The following SEMA6A variants were observed in gnomAD, a reference collection of about 807,000 sequenced individuals.
SEMA6A encodes semaphorin 6A, also known as semaphorin-6A.
A neutral mutation model predicts 96.8 loss-of-function variants in SEMA6A; 25 were observed. That is an observed-to-expected ratio of 0.26 (90% CI 0.19 to 0.36). The LOEUF (loss-of-function observed/expected upper bound fraction) is 0.36, where lower values mean the gene tolerates loss of function less well. SEMA6A is among the 10% of genes least tolerant of loss of function. The probability of loss-of-function intolerance (pLI) is 1.00; values close to 1 mark genes in which losing one functional copy is unlikely to be tolerated. For missense variants in SEMA6A, 1,363 were observed against 1,323.1 expected (o/e 1.03, Z -0.47); for synonymous variants, 612 against 518.0 (o/e 1.18, Z -2.46).
intron 1 of SEMA6A, among the ~76,000 whole-genome samples, chr5:116,568,177 G>T (rs895491071): frequency 1.3e-5 from 2 of 152,116 alleles, no homozygotes; most frequent in Admixed American, 1.3e-4. Context: ...GAAAGAGGGG[G>T]TTAACATCAA....
Position 116,444,017 on chromosome 5 carries a change from C to T in SEMA6A, c.*2596G>A, listed in dbSNP as rs555380513. 3 of 152,032 alleles carry T rather than the reference C, an allele frequency of 2.0e-5. No individual in the cohort carries two copies. The highest frequency in any genetic ancestry group is 2.9e-5 in the Non-Finnish European group (2 of 68,024). The allele number at this position is 152,032 out of a possible 1,614,324, so 9.4% of individuals were successfully genotyped here. Reference sequence around the variant, plus strand: ...GCCTACAAACACTGGACAAGACAGCCGCTTACGTCAATGATGGGTGCTGCA... The same window carrying T: ...GCCTACAAACACTGGACAAGACAGCTGCTTACGTCAATGATGGGTGCTGCA... On this transcript the variant is annotated 3_prime_UTR_variant, in exon 19 of 19. Transcript: ENST00000343348.
At chr5:116,548,028 T>C (rs1205290909) in intron 1 of SEMA6A, among the ~76,000 whole-genome samples, 1 of 152,144 alleles carries the variant, frequency 6.6e-6, no homozygotes, top group Non-Finnish European at 1.5e-5. Context: ...ATCCTATCAC[T>C]TACATTTACA....
chr5:116,514,989 G>A (rs1053741460), intron 1 of SEMA6A, among the ~76,000 whole-genome samples: 1 of 152,194 alleles, frequency 6.6e-6, no homozygotes, highest in South Asian at 2.1e-4. Context: ...AATACCACCT[G>A]GAAAGTGAAG....
intron 16 of SEMA6A, 44 bp downstream of exon 16, chr5:116,475,501 G>T (rs768905489): frequency 7.3e-7 from 1 of 1,378,658 alleles, no homozygotes; most frequent in Non-Finnish European, 1.0e-6. Flanking sequence ...TTCACTGAAA[G>T]CATCTTTGCC....
intron 5 of SEMA6A, 96 bp downstream of exon 5, chr5:116,496,155 A>C: frequency 1.9e-6 from 2 of 1,057,826 alleles, no homozygotes; most frequent in East Asian, 4.9e-5. Context: ...AAAAAGGAAA[A>C]AGCACAATCC....
chr5:116,494,079 C>A (rs1337908028), intron 6 of SEMA6A, among the ~76,000 whole-genome samples: 1 of 152,172 alleles, frequency 6.6e-6, no homozygotes, highest in East Asian at 1.9e-4. Flanking sequence ...TCTCTTTATC[C>A]TGTGCTTATC....
intron 1 of SEMA6A, among the ~76,000 whole-genome samples, chr5:116,558,377 C>A (rs1760687016): frequency 6.6e-6 from 1 of 151,932 alleles, no homozygotes; most frequent in Non-Finnish European, 1.5e-5. Context: ...CGGTGGTTTG[C>A]TGCACCTATC....
intron 15 of SEMA6A, 81 bp from the exon 16 acceptor site, chr5:116,475,684 G>A: frequency 1.0e-6 from 1 of 995,300 alleles, no homozygotes; most frequent in Non-Finnish European, 1.5e-6. Flanking sequence ...CTTCACTAAA[G>A]ACAGTAACAC....
intron 1 of SEMA6A, among the ~76,000 whole-genome samples, chr5:116,564,591 G>A (rs566440521): frequency 6.6e-5 from 10 of 152,160 alleles, no homozygotes; most frequent in Admixed American, 2.6e-4. Context: ...TCGCCAGAAT[G>A]TGTGTATGTG....
At chr5:116,462,198 G>C (rs184155390) in intron 18 of SEMA6A, among the ~76,000 whole-genome samples, 2 of 152,032 alleles carry the variant, frequency 1.3e-5, no homozygotes, top group Admixed American at 6.6e-5. Context: ...GAGTAACCAG[G>C]GGGTAGGATC....
At chr5:116,540,314 A>G (rs895767991) in intron 1 of SEMA6A, among the ~76,000 whole-genome samples, 2 of 152,232 alleles carry the variant, frequency 1.3e-5, no homozygotes, top group Non-Finnish European at 2.9e-5. Flanking sequence ...ATGCAAACCA[A>G]ACTAGGCTCT....
At chr5:116,572,725 G>A (rs924447108) in intron 1 of SEMA6A, among the ~76,000 whole-genome samples, 1 of 152,158 alleles carries the variant, frequency 6.6e-6, no homozygotes, top group Non-Finnish European at 1.5e-5. Context: ...AAGTACCGCG[G>A]GCCAGGAGGT....
chr5:116,493,763 C>T (rs1440009031), intron 6 of SEMA6A, among the ~76,000 whole-genome samples: 1 of 152,104 alleles, frequency 6.6e-6, no homozygotes, highest in African/African-American at 2.4e-5. Context: ...CTCATTCTTC[C>T]CACTCCTAGG....
intron 1 of SEMA6A, among the ~76,000 whole-genome samples, chr5:116,548,815 A>G (rs1012408415): frequency 2.0e-5 from 3 of 152,216 alleles, no homozygotes; most frequent in South Asian, 2.1e-4. Flanking sequence ...GCATTATCCA[A>G]TATCATTTTA....
chr5:116,472,858 A>G, intron 17 of SEMA6A: 8 of 1,350,196 alleles, frequency 5.9e-6, no homozygotes, highest in Non-Finnish European at 7.8e-6. Flanking sequence ...ACGAATTTAA[A>G]AAAAAAAAAA....
intron 12 of SEMA6A, among the ~76,000 whole-genome samples, chr5:116,479,280 G>A (rs759912646): frequency 1.3e-5 from 2 of 152,064 alleles, no homozygotes; most frequent in African/African-American, 4.8e-5. Flanking sequence ...AAAGGTGAAG[G>A]GCATACCTGG....
At chr5:116,564,896 G>C (rs1186884575) in intron 1 of SEMA6A, among the ~76,000 whole-genome samples, 2 of 152,192 alleles carry the variant, frequency 1.3e-5, no homozygotes, top group Non-Finnish European at 2.9e-5. Context: ...TAAACCTGAA[G>C]TAAAGCTCTA....
At position 116,494,089 on chromosome 5, in the gene SEMA6A, CTATTATTAAATCCTACCGGTTTGG is replaced by C. The variant is rs1757462069; in HGVS notation, c.444+1300_444+1323del. 2.0e-5 allele frequency among the ~76,000 whole-genome samples: 3 copies of C among 152,280 alleles called. No homozygotes were observed. In the South Asian group the frequency reaches 6.2e-4, roughly 32 times the overall value. On this transcript the variant is annotated intron_variant, in intron 6 of 18. Transcript: ENST00000343348. Reference sequence around the variant, plus strand: ...CTCTCTCTCTTTATCCTGTGCTTATCTATTATTAAATCCTACCGGTTTGGTTTTATCTATTCTCTTCCCTTCATC... The same window carrying C: ...CTCTCTCTCTTTATCCTGTGCTTATCTTTTATCTATTCTCTTCCCTTCATC...
intron 1 of SEMA6A, among the ~76,000 whole-genome samples, chr5:116,508,479 A>T (rs987752215): frequency 6.6e-6 from 1 of 152,156 alleles, no homozygotes; most frequent in Non-Finnish European, 1.5e-5. Flanking sequence ...AAGTGGACCC[A>T]GCCAGAGTAC....
Sources: gnomAD v4.1 joint callset for allele counts (sites outside exome capture counted in the v4.1 genomes callset) on GRCh38, gnomAD v4.1.1 for gene constraint, MANE v1.5 for transcripts, NCBI Gene and HGNC (gene_info 2026-07-23, HGNC 2026-07-21) for gene names.